The following SLCO1C1 variants were observed in gnomAD, a reference collection of about 807,000 sequenced individuals.
The protein encoded by SLCO1C1 is OAT-RP-5.
SLCO1C1 carries 70 observed loss-of-function variants against 76.4 expected under a neutral mutation model. The observed-to-expected ratio is 0.92, with a 90% CI of 0.76 to 1.12. The LOEUF (loss-of-function observed/expected upper bound fraction) is 1.12, where lower values mean the gene tolerates loss of function less well. SLCO1C1 is among the 50% of genes most tolerant of loss of function. The pLI, the probability that SLCO1C1 is intolerant of heterozygous loss-of-function variation, is 0.00. For synonymous variants in SLCO1C1, 306 were observed against 286.1 expected (o/e 1.07, Z -0.70); for missense variants, 912 against 823.8 (o/e 1.11, Z -1.31).
chr12:20,736,007 T>G (rs1024584072), intron 10 of SLCO1C1, among the ~76,000 whole-genome samples: 4 of 151,926 alleles, frequency 2.6e-5, no homozygotes, highest in Non-Finnish European at 4.4e-5. Context: ...AGGAAAGATA[T>G]GAGGAATAAG....
chr12:20,719,443 G>A (rs1947544397), intron 7 of SLCO1C1, among the ~76,000 whole-genome samples: 1 of 152,096 alleles, frequency 6.6e-6, no homozygotes, highest in Admixed American at 6.6e-5. Flanking sequence ...TAATGAGGAA[G>A]GCATGTTGAA....
intron 8 of SLCO1C1, 43 bp downstream of exon 8, chr12:20,722,092 TG>T (rs776832305): frequency 7.6e-6 from 12 of 1,587,590 alleles, no homozygotes; most frequent in Middle Eastern, 1.9e-4. Context: ...ATTTTTCTGT[TG>T]GGGCTTAAGG....
Position 20,730,266 on chromosome 12 carries a change from A to G in SLCO1C1, c.1187-2643A>G, listed in dbSNP as rs377542358. 3.8e-4 allele frequency among the ~76,000 whole-genome samples: 58 copies of G among 152,320 alleles called. No individual in the cohort carries two copies. The East Asian group carries it at 5.4e-3, about 14-fold the overall frequency. ...TGTCAGCTTTGGCTTTGTGGAAGGC[A>G]TTCATAGTCAGGTACTATGTTTTAT... is the stretch of plus-strand genomic sequence containing the variant. On this transcript the variant is annotated intron_variant, in intron 9 of 14. Transcript: ENST00000266509.
chr12:20,729,996 A>G (rs1256481321), intron 9 of SLCO1C1, among the ~76,000 whole-genome samples: 1 of 152,128 alleles, frequency 6.6e-6, no homozygotes, highest in Non-Finnish European at 1.5e-5. Context: ...TTCTCAGGCT[A>G]TTCTAGGCTG....
intron 4 of SLCO1C1, among the ~76,000 whole-genome samples, chr12:20,710,079 G>A (rs1026779998): frequency 1.3e-5 from 2 of 151,490 alleles, no homozygotes; most frequent in Non-Finnish European, 2.9e-5. Flanking sequence ...TGGGGTTCAT[G>A]AACCCATTGA....
rs771694371 is a variant in SLCO1C1, at chr12:20,721,803, G to C, written c.776-1G>C. ...ACTTAGCCATCCCCTCTGTCTTTCA[G>C]ATCACATAACCATTACCCCAAAAGA... On this transcript the variant is annotated splice_acceptor_variant, in intron 7 of 14. Transcript: ENST00000266509. LOFTEE classifies it high-confidence loss of function. 11 of 1,613,910 alleles carry C rather than the reference G, an allele frequency of 6.8e-6. 1 individual carries two copies. In the Admixed American group the frequency reaches 1.7e-4, roughly 24 times the overall value.
intron 9 of SLCO1C1, among the ~76,000 whole-genome samples, chr12:20,729,626 T>C (rs967411830): frequency 3.3e-5 from 5 of 151,626 alleles, no homozygotes; most frequent in Non-Finnish European, 7.4e-5. Flanking sequence ...GGAAGCCCCA[T>C]ATGGCTGGTG....
chr12:20,727,156 G>A (rs1030728680), intron 9 of SLCO1C1, among the ~76,000 whole-genome samples: 2 of 152,158 alleles, frequency 1.3e-5, no homozygotes, highest in African/African-American at 4.8e-5. Flanking sequence ...GAGCTGTGAT[G>A]AACATATGGG....
chr12:20,742,598 A>G lies in SLCO1C1; in HGVS notation c.1734-707A>G, dbSNP rs1054544232. On this transcript the variant is annotated intron_variant, in intron 12 of 14. Transcript: ENST00000266509. Reference sequence around the variant, plus strand: ...ACCCAGGCTGGAGGGCAGTGGCACAATCTCGGCCCCCTGCAAGCTCCGCCT... The same window carrying G: ...ACCCAGGCTGGAGGGCAGTGGCACAGTCTCGGCCCCCTGCAAGCTCCGCCT... Among the ~76,000 whole-genome samples, 7 of 152,032 alleles carry G rather than the reference A, an allele frequency of 4.6e-5. No individual in the cohort carries two copies. In the East Asian group the frequency reaches 1.2e-3, roughly 25 times the overall value.
intron 8 of SLCO1C1, among the ~76,000 whole-genome samples, chr12:20,722,805 C>A (rs1947742777): frequency 6.6e-6 from 1 of 152,196 alleles, no homozygotes; most frequent in Non-Finnish European, 1.5e-5. Flanking sequence ...CTTTTGCCCA[C>A]ATCAGTTAGA....
chr12:20,710,565 C>A (rs1472588962), intron 4 of SLCO1C1, among the ~76,000 whole-genome samples: 1 of 152,102 alleles, frequency 6.6e-6, no homozygotes, highest in Non-Finnish European at 1.5e-5. Context: ...TTATCACAGG[C>A]TGCCCACTAA....
At chr12:20,742,128 G>T (rs546086745) in intron 12 of SLCO1C1, among the ~76,000 whole-genome samples, 1 of 152,268 alleles carries the variant, frequency 6.6e-6, no homozygotes, top group African/African-American at 2.4e-5. Flanking sequence ...ATTTACAAAT[G>T]GCAGCCTGAG....
intron 5 of SLCO1C1, among the ~76,000 whole-genome samples, chr12:20,713,136 G>C (rs1037879986): frequency 1.3e-5 from 2 of 148,664 alleles, no homozygotes; most frequent in African/African-American, 5.0e-5. Context: ...CTGGAGTGCA[G>C]TGGCGCGATC....
At chr12:20,699,181 A>G (rs1946403110) in intron 1 of SLCO1C1, among the ~76,000 whole-genome samples, 1 of 152,072 alleles carries the variant, frequency 6.6e-6, no homozygotes, top group Non-Finnish European at 1.5e-5. Context: ...TAATGAATCA[A>G]TATTCAAATA....
chr12:20,741,944 AAAGTAAGACT>A (rs1329552867), intron 12 of SLCO1C1, among the ~76,000 whole-genome samples: 1 of 152,218 alleles, frequency 6.6e-6, no homozygotes, highest in Non-Finnish European at 1.5e-5. Context: ...ATTTTTTTCT[AAAGTAAGACT>A]AACCAAAGTA....
chr12:20,732,583 C>T (rs1433706922), intron 9 of SLCO1C1, among the ~76,000 whole-genome samples: 2 of 152,128 alleles, frequency 1.3e-5, no homozygotes, highest in African/African-American at 4.8e-5. Flanking sequence ...TTATATACAA[C>T]ATTAAAGAAC....
In SLCO1C1 at chr12:20,732,966, A is replaced by G; in HGVS notation, c.1244A>G (p.Lys415Arg). Residue 415 changes from lysine to arginine, a missense_variant, in exon 10 of 15, where the codon AAA (lysine) becomes AGA (arginine). Lys to Arg is a conservative substitution (Grantham distance 26). Coordinates refer to ENST00000266509, the MANE Select transcript of SLCO1C1 (RefSeq NM_017435.5). ...LGIFSGGIVM[K>R]KFRISVCGAA... ...ATATTCTCTGGGGGGATAGTTATGA[A>G]AAAATTCAGAATCAGTGTGTGTGGA... 6.2e-6 allele frequency: 10 copies of G among 1,614,086 alleles called. No individual in the cohort carries two copies. Among genetic ancestry groups the G allele is most frequent in the Non-Finnish European group, 8.5e-6 (10 of 1,179,976 alleles).
At chr12:20,703,455 TGAAGA>T (rs1208597518) in intron 3 of SLCO1C1, among the ~76,000 whole-genome samples, 4 of 151,832 alleles carry the variant, frequency 2.6e-5, no homozygotes, top group African/African-American at 9.7e-5. Context: ...AGAACTGTGT[TGAAGA>T]GAAGCATTTA....
rs770027694 is a variant in SLCO1C1 at position 20,697,650 on chromosome 12, T to C, written c.-26+1843T>C. On this transcript the variant is annotated intron_variant, in intron 1 of 14. Transcript: ENST00000266509. ...ATTTTATCAACTGATGTTTTTCATG[T>C]AATGAAATTCTATTTTTTATTTTGA... is the stretch of plus-strand genomic sequence containing the variant. Among the ~76,000 whole-genome samples the C allele has an allele frequency of 2.6e-5, 4 of 152,102 alleles. No individual in the cohort carries two copies. The East Asian group carries it at 7.7e-4, about 29-fold the overall frequency.
Sources: allele counts gnomAD v4.1 joint callset (sites outside exome capture counted in the v4.1 genomes callset), GRCh38; gene constraint gnomAD v4.1.1; transcripts MANE v1.5; gene names NCBI Gene and HGNC (gene_info 2026-07-23, HGNC 2026-07-21).